MDH2: variants seen among roughly 807,000 people sequenced by gnomAD.
MDH2 encodes the protein malate dehydrogenase 2.
Under a neutral mutation model 33.6 loss-of-function variants are expected in MDH2, and 25 were observed. The observed-to-expected ratio is 0.74, with a 90% confidence interval of 0.54 to 1.04. The LOEUF (loss-of-function observed/expected upper bound fraction) is 1.04, where lower values mean the gene tolerates loss of function less well. Ranked by LOEUF, MDH2 falls within the 50% of genes least tolerant of loss-of-function variation. The pLI is 0.00. For missense variants in MDH2, 432 were observed against 445.0 expected (o/e 0.97, Z 0.26); for synonymous variants, 193 against 188.7 (o/e 1.02, Z -0.19).
At chr7:76,061,604 C>T (rs554592414) in intron 5 of MDH2, among the ~76,000 whole-genome samples, 16 of 151,792 alleles carry the variant, frequency 1.1e-4, no homozygotes, top group Non-Finnish European at 2.1e-4. Context: ...TGCGCCACTG[C>T]GCTCCAGCCT....
intron 1 of MDH2, among the ~76,000 whole-genome samples, chr7:76,052,985 G>T (rs1312917690): frequency 6.6e-6 from 1 of 152,168 alleles, no homozygotes; most frequent in East Asian, 1.9e-4. Flanking sequence ...GGGACTACAG[G>T]TGCATACCAC....
chr7:76,063,236 C>T (rs996878992), intron 5 of MDH2, among the ~76,000 whole-genome samples: 2 of 152,234 alleles, frequency 1.3e-5, no homozygotes, highest in Non-Finnish European at 2.9e-5. Context: ...TGCCCATCCA[C>T]AGTGGGCACA....
intron 8 of MDH2, 122 bp downstream of exon 8, chr7:76,065,075 G>T: frequency 1.6e-6 from 2 of 1,236,700 alleles, no homozygotes; most frequent in African/African-American, 1.5e-5. Flanking sequence ...GGCGAGTGCT[G>T]TTGTTTTCAA....
rs1554587628 is a variant in MDH2 at position 76,064,883 on chromosome 7, T to C, written c.815T>C (p.Val272Ala). The C allele has an allele frequency of 6.2e-7, 1 of 1,614,138 alleles. No individual in the cohort carries two copies. The change falls in exon 8 of 9, where the codon GTT becomes GCT. Residue 272 changes from valine (V) to alanine (A), a missense_variant. Physicochemically the swap from Val to Ala is moderately conservative, Grantham distance 64. Coordinates refer to ENST00000315758, the MANE Select transcript of MDH2 (RefSeq NM_005918.4). The part of the protein sequence containing the change: ...LVDAMNGKEG[V>A]VECSFVKSQE... The stretch of plus-strand genomic sequence containing the variant: ...GATGCAATGAATGGAAAGGAAGGTG[T>C]TGTGGAATGTTCCTTCGTTAAGTCA...
rs1797829908 is a variant in MDH2, at chr7:76,057,908, T to C, written c.320-61T>C. The C allele has an allele frequency of 3.9e-6, 6 of 1,520,728 alleles. No individual in the cohort carries two copies. In the East Asian group the frequency reaches 1.4e-4, roughly 35 times the overall value. The allele number at this position is 1,520,728 out of a possible 1,614,324, so 94.2% of individuals were successfully genotyped here. On this transcript the variant is annotated intron_variant, in intron 3 of 8. Coordinates refer to ENST00000315758, the MANE Select transcript of MDH2 (RefSeq NM_005918.4). ...CCTGTAACAGCTGGCGCTCAGCACA[T>C]GCTGCCTGTCTGGAAATTTGTGGTG...
chr7:76,048,308 C>A, intron 1 of MDH2, 82 bp downstream of exon 1: 3 of 1,486,836 alleles, frequency 2.0e-6, no homozygotes, highest in Non-Finnish European at 2.7e-6. Context: ...GCAGCTCTGA[C>A]CCTCTCCAGG....
chr7:76,049,186 T>C (rs1554584890), intron 1 of MDH2: 1 of 835,442 alleles, frequency 1.2e-6, no homozygotes, highest in Non-Finnish European at 1.4e-6. Context: ...GCTCCTGGAT[T>C]GATGGCTACT....
At chr7:76,056,042 G>A (rs1212369311) in intron 2 of MDH2, among the ~76,000 whole-genome samples, 2 of 151,946 alleles carry the variant, frequency 1.3e-5, no homozygotes, top group African/African-American at 4.8e-5. Flanking sequence ...TGGCCAGGCT[G>A]GTCTAGAACT....
intron 3 of MDH2, among the ~76,000 whole-genome samples, chr7:76,057,753 G>A (rs144194141): frequency 9.2e-5 from 14 of 152,190 alleles, no homozygotes; most frequent in Non-Finnish European, 1.6e-4. Context: ...AATAAACCTC[G>A]ACGGTCCTTC....
intron 5 of MDH2, among the ~76,000 whole-genome samples, chr7:76,063,290 G>A (rs1281600051): frequency 2.6e-5 from 4 of 152,224 alleles, no homozygotes; most frequent in East Asian, 1.9e-4. Flanking sequence ...CTCGCCAGAC[G>A]GCGGCAAGCC....
intron 5 of MDH2, among the ~76,000 whole-genome samples, chr7:76,063,252 T>A (rs1432807092): frequency 6.6e-6 from 1 of 152,028 alleles, no homozygotes; most frequent in Non-Finnish European, 1.5e-5. Flanking sequence ...GCACAAATGC[T>A]CACTATGAAG....
At chr7:76,052,349 T>G (rs1554585586) in intron 1 of MDH2, among the ~76,000 whole-genome samples, 1 of 148,924 alleles carries the variant, frequency 6.7e-6, no homozygotes, top group Non-Finnish European at 1.5e-5. Context: ...GAGGATGGCT[T>G]GAACCGAAAA....
At chr7:76,065,485 A>G (rs367880851) in intron 8 of MDH2, among the ~76,000 whole-genome samples, 1 of 152,182 alleles carries the variant, frequency 6.6e-6, no homozygotes, top group Non-Finnish European at 1.5e-5. Flanking sequence ...CCAGAAAGTA[A>G]TATGGCTCAC....
At chr7:76,055,475 C>G (rs1047657488) in intron 2 of MDH2, among the ~76,000 whole-genome samples, 3 of 151,998 alleles carry the variant, frequency 2.0e-5, no homozygotes, top group African/African-American at 7.2e-5. Flanking sequence ...GTGGCTTATA[C>G]CTGTAATCCC....
At chr7:76,054,095 C>G (rs1797698039) in intron 1 of MDH2, among the ~76,000 whole-genome samples, 1 of 152,202 alleles carries the variant, frequency 6.6e-6, no homozygotes, top group Non-Finnish European at 1.5e-5. Flanking sequence ...CTTCCAGGAG[C>G]CTAGTCCTGA....
In MDH2 at chr7:76,057,936, C is replaced by T. The variant is rs374206496; in HGVS notation, c.320-33C>T. Reference sequence around the variant, plus strand: ...TGCCTGTCTGGAAATTTGTGGTGTTCTCTGTTAACATCTCATATTGGATCA... The same window carrying T: ...TGCCTGTCTGGAAATTTGTGGTGTTTTCTGTTAACATCTCATATTGGATCA... On this transcript the variant is annotated intron_variant, in intron 3 of 8. Coordinates refer to ENST00000315758, the MANE Select transcript of MDH2 (RefSeq NM_005918.4). The T allele has an allele frequency of 1.0e-5, 16 of 1,593,934 alleles. No individual in the cohort carries two copies. In the African/African-American group the frequency reaches 1.6e-4, roughly 16 times the overall value.
rs182560941 is a variant in MDH2, at chr7:76,063,623, G to A, written c.633+31G>A. On this transcript the variant is annotated intron_variant, in intron 6 of 8. Transcript: ENST00000315758. ...CGCATATGACCCTGTGAGGGGCTTC[G>A]AGGTCAGGATTCCCTTTACCAGGCC... The A allele has an allele frequency of 4.4e-5, 71 of 1,601,180 alleles. No individual in the cohort carries two copies. In the African/African-American group the frequency reaches 6.2e-4, roughly 14 times the overall value.
chr7:76,050,089 T>C (rs1178502185), intron 1 of MDH2, among the ~76,000 whole-genome samples: 1 of 152,096 alleles, frequency 6.6e-6, no homozygotes, highest in Admixed American at 6.5e-5. Flanking sequence ...TGGAGTGCAG[T>C]GGCGCCATCT....
intron 2 of MDH2, among the ~76,000 whole-genome samples, chr7:76,055,269 T>A (rs1171121309): frequency 6.6e-6 from 1 of 152,118 alleles, no homozygotes; most frequent in Non-Finnish European, 1.5e-5. Context: ...AAGAGGGAAG[T>A]GTCAGCAACC....
Sources: allele counts gnomAD v4.1 joint callset (sites outside exome capture counted in the v4.1 genomes callset), GRCh38; gene constraint gnomAD v4.1.1; transcripts MANE v1.5; gene names NCBI Gene and HGNC (gene_info 2026-07-23, HGNC 2026-07-21).